CYRIA: variants seen among roughly 807,000 people sequenced by gnomAD.
CYRIA encodes CYFIP-related Rac1 interactor A.
CYRIA carries 15 observed loss-of-function variants against 43.9 expected under a neutral mutation model. The ratio of observed to expected loss-of-function variants is 0.34; its 90% CI spans 0.23 to 0.53. The LOEUF (loss-of-function observed/expected upper bound fraction) is 0.53, where lower values mean the gene tolerates loss of function less well. Ranked by LOEUF, CYRIA falls within the 20% of genes least tolerant of loss-of-function variation. The probability of loss-of-function intolerance (pLI) is 0.94; values close to 1 mark genes in which losing one functional copy is unlikely to be tolerated. For synonymous variants in CYRIA, 117 were observed against 136.0 expected (o/e 0.86, Z 0.97); for missense variants, 236 against 394.2 (o/e 0.60, Z 3.40).
chr2:16,614,267 T>C (rs1668702727), intron 2 of CYRIA, among the ~76,000 whole-genome samples: 1 of 152,226 alleles, frequency 6.6e-6, no homozygotes, highest in Non-Finnish European at 1.5e-5. Flanking sequence ...GTTGCTCCCA[T>C]GGAGGATGTC....
chr2:16,610,897 C>CATTATATATATATATAT (rs1668569337), intron 2 of CYRIA, among the ~76,000 whole-genome samples: 1 of 92,556 alleles, frequency 1.1e-5, no homozygotes, highest in South Asian at 3.6e-4. Flanking sequence ...TTAGTCCCAA[C>CATTATATATATATATAT]ATATATATAT....
chr2:16,568,931 T>TA (rs1667038299), intron 3 of CYRIA, among the ~76,000 whole-genome samples: 1 of 152,132 alleles, frequency 6.6e-6, no homozygotes, highest in African/African-American at 2.4e-5. Flanking sequence ...GAAATTTTTT[T>TA]TAAAAAAATC....
At chr2:16,578,452 G>A (rs1005330130) in intron 3 of CYRIA, among the ~76,000 whole-genome samples, 2 of 152,094 alleles carry the variant, frequency 1.3e-5, no homozygotes, top group African/African-American at 4.8e-5. Flanking sequence ...GTACAGACGA[G>A]GATCCTAAAA....
intron 1 of CYRIA, among the ~76,000 whole-genome samples, chr2:16,634,025 T>C (rs140706098): frequency 1.3e-5 from 2 of 152,250 alleles, no homozygotes; most frequent in East Asian, 1.9e-4. Flanking sequence ...CAGGCTAACG[T>C]TGGACCACAG....
At chr2:16,559,760 C>T (rs1366369733) in intron 9 of CYRIA, among the ~76,000 whole-genome samples, 174 bp from the exon 10 acceptor site, 1 of 152,144 alleles carries the variant, frequency 6.6e-6, no homozygotes, top group Non-Finnish European at 1.5e-5. Flanking sequence ...CTCCTTGAAT[C>T]TATTCAACCA....
At chr2:16,588,200 G>T (rs1667801386) in intron 2 of CYRIA, 71 bp from the exon 3 acceptor site, 4 of 991,896 alleles carry the variant, frequency 4.0e-6, no homozygotes, top group Non-Finnish European at 6.1e-6. Context: ...AATATCCCTG[G>T]GCCCCCCATA....
intron 1 of CYRIA, among the ~76,000 whole-genome samples, chr2:16,651,120 T>TGG (rs1400302316): frequency 1.3e-5 from 2 of 152,140 alleles, no homozygotes; most frequent in African/African-American, 4.8e-5. Context: ...CAGCTATTTC[T>TGG]GGGGGGTCTG....
In CYRIA at chr2:16,561,151, C is replaced by T; in HGVS notation, c.630+10G>A. 1.2e-6 allele frequency: 2 copies of T among 1,612,280 alleles called. No individual in the cohort carries two copies. Among genetic ancestry groups the T allele is most frequent in the Non-Finnish European group, 1.7e-6 (2 of 1,178,398 alleles). The stretch of plus-strand genomic sequence containing the variant: ...AGGAAAAAAGCACCTCGTTGCTCAA[C>T]TTCACTTACTTCAGAGACAAAGTGC... On this transcript the variant is annotated intron_variant, in intron 8 of 11. Transcript: ENST00000381323.
intron 2 of CYRIA, among the ~76,000 whole-genome samples, chr2:16,607,321 T>TGGGGGGGGGGGGGGGGGGGGGG (rs1483489399): frequency 8.3e-5 from 3 of 35,942 alleles, no homozygotes; most frequent in African/African-American, 3.2e-4. Flanking sequence ...GAGGGGCGGG[T>TGGGGGGGGGGGGGGGGGGGGGG]GGGGGGTGCT....
At chr2:16,583,616 T>C (rs1003976572) in intron 3 of CYRIA, among the ~76,000 whole-genome samples, 3 of 152,208 alleles carry the variant, frequency 2.0e-5, no homozygotes, top group African/African-American at 7.2e-5. Flanking sequence ...GCCATAATGG[T>C]GGGTCTGGTT....
chr2:16,557,333 C>T (rs1666558580), intron 10 of CYRIA, among the ~76,000 whole-genome samples: 1 of 152,096 alleles, frequency 6.6e-6, no homozygotes, highest in Non-Finnish European at 1.5e-5. Flanking sequence ...CTCCCTCCCC[C>T]TAGGTTTCCA....
chr2:16,573,357 C>A (rs1014819035), intron 3 of CYRIA, among the ~76,000 whole-genome samples: 37 of 152,216 alleles, frequency 2.4e-4, no homozygotes, highest in African/African-American at 8.4e-4. Flanking sequence ...ACGACTGATT[C>A]TTGGCACTAA....
chr2:16,662,786 T>C lies in CYRIA; in HGVS notation c.-167+2994A>G, dbSNP rs1209373106. Among the ~76,000 whole-genome samples, 6 of 152,342 alleles carry C rather than the reference T, an allele frequency of 3.9e-5. No individual in the cohort carries two copies. In the East Asian group the frequency reaches 1.2e-3, roughly 29 times the overall value. The stretch of plus-strand genomic sequence containing the variant: ...AGCCCCAAAGCACAAATCACCTGAT[T>C]CAACCCTCATGGGTGACCTAGTCAA... On this transcript the variant is annotated intron_variant, in intron 1 of 11. Coordinates refer to ENST00000381323, the MANE Select transcript of CYRIA (RefSeq NM_030797.4).
chr2:16,562,871 C>G (rs976942584), intron 5 of CYRIA, among the ~76,000 whole-genome samples: 2 of 150,610 alleles, frequency 1.3e-5, no homozygotes, highest in African/African-American at 2.5e-5. Flanking sequence ...ATGACTAGGG[C>G]TGCCTTTACA....
chr2:16,583,082 A>G (rs1478662623), intron 3 of CYRIA, among the ~76,000 whole-genome samples: 2 of 152,140 alleles, frequency 1.3e-5, no homozygotes, highest in African/African-American at 4.8e-5. Context: ...TCTCACTGTC[A>G]TTTTGATTTG....
chr2:16,652,820 T>C (rs189017317), intron 1 of CYRIA, among the ~76,000 whole-genome samples: 1 of 152,228 alleles, frequency 6.6e-6, no homozygotes, highest in African/African-American at 2.4e-5. Flanking sequence ...CAATTAACAC[T>C]CTCCTCTCCA....
intron 2 of CYRIA, among the ~76,000 whole-genome samples, chr2:16,610,587 C>T (rs1461260337): frequency 1.3e-5 from 2 of 152,054 alleles, no homozygotes; most frequent in African/African-American, 4.8e-5. Context: ...CCTGATCCAG[C>T]CCAGTGGCCC....
rs2103389989 is a variant in CYRIA at position 16,549,464 on chromosome 2, A to T, written c.*3472T>A. ...TCATATAAAATAGAGGTGCATTTTT[A>T]AATATATGTACCAAACTTTAATTTT... is the stretch of plus-strand genomic sequence containing the variant. On this transcript the variant is annotated 3_prime_UTR_variant, in exon 12 of 12. Coordinates refer to ENST00000381323, the MANE Select transcript of CYRIA (RefSeq NM_030797.4). The T allele has an allele frequency of 6.6e-6, 1 of 152,188 alleles. No individual in the cohort carries two copies. Among genetic ancestry groups the T allele is most frequent in the East Asian group, 1.9e-4 (1 of 5,158 alleles). 9.4% of individuals were successfully genotyped at this position (152,188 alleles called of 1,614,324 possible).
intron 10 of CYRIA, among the ~76,000 whole-genome samples, chr2:16,556,683 T>G (rs1023060931): frequency 4.0e-5 from 6 of 151,886 alleles, no homozygotes; most frequent in Non-Finnish European, 8.8e-5. Context: ...AGTGATGTGG[T>G]TAATATGGAA....
Sources: allele counts gnomAD v4.1 joint callset (sites outside exome capture counted in the v4.1 genomes callset), GRCh38; gene constraint gnomAD v4.1.1; transcripts MANE v1.5; gene names NCBI Gene and HGNC (gene_info 2026-07-23, HGNC 2026-07-21).